The following MALRD1 variants were observed in gnomAD, a reference collection of about 807,000 sequenced individuals.
MALRD1 encodes MAM and LDL receptor class A domain containing 1.
A neutral mutation model predicts 242.1 loss-of-function variants in MALRD1; 247 were observed. The ratio of observed to expected loss-of-function variants is 1.02; its 90% CI spans 0.92 to 1.13. The LOEUF (loss-of-function observed/expected upper bound fraction) is 1.13, where lower values mean the gene tolerates loss of function less well. Among genes scored for constraint, MALRD1 ranks in the 50% most tolerant of loss-of-function variants. MALRD1 has a pLI of 0.00. For synonymous variants in MALRD1, 995 were observed against 866.6 expected, an observed-to-expected ratio of 1.15 and a Z score of -2.60; for missense variants, 2,989 against 2,533.1, an observed-to-expected ratio of 1.18 and a Z score of -3.86.
At chr10:19,218,750 A>G (rs1014536245) in intron 18 of MALRD1, among the ~76,000 whole-genome samples, 3 of 152,308 alleles carry the variant, frequency 2.0e-5, no homozygotes, top group African/African-American at 7.2e-5. Flanking sequence ...TTCTGAACAC[A>G]GTGATCTTGA....
chr10:19,457,935 T>A (rs1354460519), intron 29 of MALRD1, among the ~76,000 whole-genome samples: 1 of 152,020 alleles, frequency 6.6e-6, no homozygotes, highest in African/African-American at 2.4e-5. Context: ...TCAAAATCTT[T>A]TCAGTAAGGA....
chr10:19,292,080 CAAAAAAAA>C (rs756211363), intron 21 of MALRD1, among the ~76,000 whole-genome samples: 3 of 88,036 alleles, frequency 3.4e-5, no homozygotes, highest in Admixed American at 1.4e-4. Flanking sequence ...AAGACCGTCT[CAAAAAAAA>C]AAAAAAAAAA....
At chr10:19,067,692 G>T (rs899533129) in intron 2 of MALRD1, among the ~76,000 whole-genome samples, 2 of 152,030 alleles carry the variant, frequency 1.3e-5, no homozygotes, top group Non-Finnish European at 2.9e-5. Flanking sequence ...TTTAAATTAA[G>T]TTTTGAGCCT....
intron 1 of MALRD1, among the ~76,000 whole-genome samples, chr10:19,055,163 AT>A (rs1834625180): frequency 6.6e-6 from 1 of 152,098 alleles, no homozygotes; most frequent in African/African-American, 2.4e-5. Context: ...ATACTGAAAA[AT>A]TTTTTAATGT....
At chr10:19,506,515 A>G (rs1001056823) in intron 31 of MALRD1, among the ~76,000 whole-genome samples, 1 of 152,126 alleles carries the variant, frequency 6.6e-6, no homozygotes, top group Non-Finnish European at 1.5e-5. Context: ...TCAATTATTC[A>G]TATCTATTGA....
intron 22 of MALRD1, among the ~76,000 whole-genome samples, chr10:19,324,901 T>G (rs1588911560): frequency 1.4e-5 from 2 of 141,078 alleles, no homozygotes; most frequent in East Asian, 2.0e-4. Flanking sequence ...ATTACTTTTG[T>G]TTTTTTTTGT....
chr10:19,358,062 G>A (rs1338936286), intron 26 of MALRD1, among the ~76,000 whole-genome samples: 1 of 152,016 alleles, frequency 6.6e-6, no homozygotes, highest in African/African-American at 2.4e-5. Flanking sequence ...ATTGTTTTAT[G>A]AATTTTAATA....
chr10:19,182,469 C>A (rs1344082626), intron 14 of MALRD1, among the ~76,000 whole-genome samples: 2 of 148,892 alleles, frequency 1.3e-5, no homozygotes, highest in South Asian at 2.1e-4. Context: ...GGACAGCAGG[C>A]GCCCGCCATC....
chr10:19,159,685 T>G (rs1290014668), intron 12 of MALRD1, among the ~76,000 whole-genome samples: 1 of 151,912 alleles, frequency 6.6e-6, no homozygotes, highest in Non-Finnish European at 1.5e-5. Context: ...AGAATTCATT[T>G]TGAACTTCTG....
chr10:19,306,837 A>T (rs112390031), intron 21 of MALRD1, among the ~76,000 whole-genome samples: 6,845 of 151,424 alleles, frequency 0.045, 267 homozygotes, highest in African/African-American at 0.11. Context: ...GCCCCTTATA[A>T]AGCCACTGGA....
chr10:19,722,946 A>T (rs941278703), intron 38 of MALRD1, among the ~76,000 whole-genome samples: 2 of 152,208 alleles, frequency 1.3e-5, no homozygotes, highest in Non-Finnish European at 2.9e-5. Flanking sequence ...TCTAGGACCC[A>T]GTGCAATGTT....
chr10:19,180,576 G>T (rs1354378852), intron 14 of MALRD1, among the ~76,000 whole-genome samples: 1 of 152,134 alleles, frequency 6.6e-6, no homozygotes, highest in African/African-American at 2.4e-5. Flanking sequence ...AATTCAAAAT[G>T]TAAGAAAGTC....
At chr10:19,085,301 T>G (rs964213704) in intron 2 of MALRD1, among the ~76,000 whole-genome samples, 3 of 151,976 alleles carry the variant, frequency 2.0e-5, no homozygotes, top group African/African-American at 7.2e-5. Flanking sequence ...CAGGGAACTT[T>G]CTATGAAGTG....
chr10:19,212,140 A>C (rs1427023355), intron 18 of MALRD1, among the ~76,000 whole-genome samples: 3 of 152,174 alleles, frequency 2.0e-5, no homozygotes, highest in African/African-American at 7.2e-5. Context: ...ATAATAAACT[A>C]AAAATATTGA....
In MALRD1 at chr10:19,587,191, G is replaced by A. The variant is rs141786971; in HGVS notation, c.5681-8003G>A. Among the ~76,000 whole-genome samples, 403 of 152,296 alleles carry A rather than the reference G, an allele frequency of 2.6e-3. 5 individuals are homozygous for A. In the East Asian group the frequency reaches 0.058, roughly 22 times the overall value. Reference sequence around the variant, plus strand: ...AATGCAGAAATCACCCATCTTCTGCGTCACTCACGCTAGGAGCTGTAGACC... The same window carrying A: ...AATGCAGAAATCACCCATCTTCTGCATCACTCACGCTAGGAGCTGTAGACC... On this transcript the variant is annotated intron_variant, in intron 33 of 39. Transcript: ENST00000454679.
chr10:19,259,146 A>G (rs1190380006), intron 19 of MALRD1, among the ~76,000 whole-genome samples: 1 of 152,152 alleles, frequency 6.6e-6, no homozygotes, highest in Non-Finnish European at 1.5e-5. Flanking sequence ...CTATTGTCAG[A>G]ATCTTCCTAT....
chr10:19,404,269 T>G (rs979389305), intron 28 of MALRD1, among the ~76,000 whole-genome samples: 1 of 152,022 alleles, frequency 6.6e-6, no homozygotes, highest in African/African-American at 2.4e-5. Context: ...TTATTATTAC[T>G]TTATCCATGT....
intron 28 of MALRD1, among the ~76,000 whole-genome samples, chr10:19,439,530 C>A (rs1479557958): frequency 9.7e-6 from 1 of 103,186 alleles, no homozygotes; most frequent in Non-Finnish European, 2.1e-5. Context: ...AAAGCAAGAC[C>A]CTGTCTCAAA....
At chr10:19,358,840 GTTCT>G (rs2130695716) in intron 26 of MALRD1, among the ~76,000 whole-genome samples, 1 of 152,158 alleles carries the variant, frequency 6.6e-6, no homozygotes, top group Non-Finnish European at 1.5e-5. Context: ...TATACTTGCT[GTTCT>G]TTCTTCCTCA....
Sources: gnomAD v4.1 joint callset for allele counts (sites outside exome capture counted in the v4.1 genomes callset) on GRCh38, gnomAD v4.1.1 for gene constraint, MANE v1.5 for transcripts, NCBI Gene and HGNC (gene_info 2026-07-23, HGNC 2026-07-21) for gene names.